Variants in GTF2E2 observed in about 807,000 individuals in gnomAD.
The protein encoded by GTF2E2 is transcription initiation factor IIE subunit beta.
Under a neutral mutation model 40.5 loss-of-function variants are expected in GTF2E2, and 21 were observed. The observed-to-expected ratio is 0.52, with a 90% CI of 0.37 to 0.75. The LOEUF is 0.75. GTF2E2 is among the 30% of genes least tolerant of loss of function. GTF2E2 has a pLI of 0.00. For missense variants in GTF2E2, 298 were observed against 338.4 expected, an observed-to-expected ratio of 0.88 and a Z score of 0.94; for synonymous variants, 117 against 121.6, an observed-to-expected ratio of 0.96 and a Z score of 0.25.
chr8:30,591,694 G>A (rs999777891), intron 6 of GTF2E2, among the ~76,000 whole-genome samples: 4 of 152,122 alleles, frequency 2.6e-5, no homozygotes, highest in Non-Finnish European at 5.9e-5. Flanking sequence ...AATTAATGTA[G>A]CTGCTTTGCA....
intron 3 of GTF2E2, among the ~76,000 whole-genome samples, chr8:30,625,229 T>C (rs766517940): frequency 2.0e-5 from 3 of 152,130 alleles, no homozygotes; most frequent in Non-Finnish European, 4.4e-5. Flanking sequence ...GAAGCGCTGT[T>C]GAATTTTGTC....
chr8:30,623,066 G>C lies in GTF2E2; in HGVS notation c.259-8351C>G, dbSNP rs371964918. On this transcript the variant is annotated intron_variant, in intron 3 of 7. Coordinates refer to ENST00000355904, the MANE Select transcript of GTF2E2 (RefSeq NM_002095.6). ...TCACAAGGGTATTGACTGGGGAAGT[G>C]ATAAGTGCCCATGAAATCTTCACAA... 7.9e-5 allele frequency among the ~76,000 whole-genome samples: 12 copies of C among 152,206 alleles called. No homozygotes were observed. In the East Asian group the frequency reaches 9.6e-4, roughly 12 times the overall value.
At chr8:30,582,340 A>C (rs899950412) in intron 6 of GTF2E2, among the ~76,000 whole-genome samples, 1 of 152,294 alleles carries the variant, frequency 6.6e-6, no homozygotes, top group East Asian at 1.9e-4. Flanking sequence ...TTTTCTTTTT[A>C]CATTTTTTAG....
At chr8:30,654,205 T>C (rs1802383032) in intron 1 of GTF2E2, among the ~76,000 whole-genome samples, 1 of 152,108 alleles carries the variant, frequency 6.6e-6, no homozygotes, top group Admixed American at 6.6e-5. Context: ...ACATGTGAAA[T>C]GTGGCTAGTT....
At chr8:30,606,851 A>C (rs1483767834) in intron 6 of GTF2E2, among the ~76,000 whole-genome samples, 1 of 152,200 alleles carries the variant, frequency 6.6e-6, no homozygotes, top group Non-Finnish European at 1.5e-5. Context: ...AAGTATAATT[A>C]ACCTAAAATC....
intron 3 of GTF2E2, among the ~76,000 whole-genome samples, chr8:30,631,171 C>T (rs2978268): frequency 6.6e-6 from 1 of 151,968 alleles, no homozygotes; most frequent in South Asian, 2.1e-4. Flanking sequence ...CAGGCATGTG[C>T]CAACACACCT....
At chr8:30,655,844 G>A (rs1802433954) in intron 1 of GTF2E2, among the ~76,000 whole-genome samples, 1 of 151,648 alleles carries the variant, frequency 6.6e-6, no homozygotes, top group Admixed American at 6.6e-5. Flanking sequence ...GTCTCGCTCT[G>A]CCGCCCAGGC....
intron 6 of GTF2E2, among the ~76,000 whole-genome samples, chr8:30,588,844 C>A (rs1448092649): frequency 6.6e-6 from 1 of 152,164 alleles, no homozygotes; most frequent in Non-Finnish European, 1.5e-5. Flanking sequence ...AGACTTCTGA[C>A]CTCCAGAACA....
At chr8:30,622,919 T>C (rs1022132191) in intron 3 of GTF2E2, among the ~76,000 whole-genome samples, 1 of 152,082 alleles carries the variant, frequency 6.6e-6, no homozygotes, top group Non-Finnish European at 1.5e-5. Flanking sequence ...GATTTCATAT[T>C]GTTCAAACAC....
intron 2 of GTF2E2, among the ~76,000 whole-genome samples, chr8:30,646,502 C>T (rs1424840230): frequency 6.6e-6 from 1 of 152,122 alleles, no homozygotes; most frequent in East Asian, 1.9e-4. Flanking sequence ...CAAAAGCATG[C>T]TCTTAACCAC....
Position 30,579,015 on chromosome 8 carries a change from T to C in GTF2E2, c.782A>G (p.Lys261Arg), listed in dbSNP as rs1828434457. ...GCGTCGCTTTTTCTGTGAAGCAGGC[T>C]TTTTCCTTCTCTGAATAGGGGCCTA... is the stretch of plus-strand genomic sequence containing the variant. ...KKVAPIQRRKKPASQKKRRFK... is the reference protein window; with the variant it reads ...KKVAPIQRRKRPASQKKRRFK... Residue 261 changes from lysine to arginine, a missense_variant, in exon 8 of 8, where the codon AAG (lysine) becomes AGG (arginine). Lys to Arg is a conservative substitution (Grantham distance 26, BLOSUM62 2). Coordinates refer to ENST00000355904, the MANE Select transcript of GTF2E2 (RefSeq NM_002095.6). 1 of 1,599,190 alleles carries C rather than the reference T, an allele frequency of 6.3e-7. No individual in the cohort carries two copies.
At chr8:30,621,064 T>C (rs1175973689) in intron 3 of GTF2E2, among the ~76,000 whole-genome samples, 1 of 152,022 alleles carries the variant, frequency 6.6e-6, no homozygotes, top group South Asian at 2.1e-4. Flanking sequence ...GGAGAGCCAA[T>C]ACAACCCTTT....
chr8:30,602,522 C>T (rs1400493698), intron 6 of GTF2E2, among the ~76,000 whole-genome samples: 1 of 151,868 alleles, frequency 6.6e-6, no homozygotes, highest in African/African-American at 2.4e-5. Flanking sequence ...TTTGGGAGGC[C>T]AAGGCAAACA....
At position 30,607,169 on chromosome 8, in the gene GTF2E2, A is replaced by G. The variant is rs762681965; in HGVS notation, c.550-19T>C. Reference sequence around the variant, plus strand: ...CCAAAGCCTTAAAGATAGATAAAATAAAGATTTTTCAGTTAACTCCAAATT... The same window carrying G: ...CCAAAGCCTTAAAGATAGATAAAATGAAGATTTTTCAGTTAACTCCAAATT... On this transcript the variant is annotated intron_variant, in intron 5 of 7. Coordinates refer to ENST00000355904, the MANE Select transcript of GTF2E2 (RefSeq NM_002095.6). The G allele has an allele frequency of 4.8e-6, 5 of 1,040,326 alleles. No homozygotes were observed. Among genetic ancestry groups the G allele is most frequent in the Non-Finnish European group, 5.7e-6 (4 of 699,584 alleles). 64.4% of individuals were successfully genotyped at this position (1,040,326 alleles called of 1,614,324 possible). A position where few individuals can be genotyped will look rare whatever the true frequency, so the allele number is the denominator to read the frequency against.
chr8:30,635,132 G>A lies in GTF2E2; in HGVS notation c.167-9C>T. ...TGATCCATTGCTATGATCTGCAAAT[G>A]AAGTTCAAAATAACATCGTCATATT... On this transcript the variant is annotated splice_polypyrimidine_tract_variant and intron_variant, in intron 2 of 7. Transcript: ENST00000355904. 3 of 1,505,494 alleles carry A rather than the reference G, an allele frequency of 2.0e-6. No homozygotes were observed. The highest frequency in any genetic ancestry group is 2.8e-6 in the Non-Finnish European group (3 of 1,084,714). The allele number at this position is 1,505,494 out of a possible 1,614,324, so 93.3% of individuals were successfully genotyped here.
intron 2 of GTF2E2, among the ~76,000 whole-genome samples, chr8:30,648,373 A>C (rs940330731): frequency 5.3e-5 from 8 of 152,240 alleles, no homozygotes; most frequent in African/African-American, 1.9e-4. Context: ...AATGAGAAAA[A>C]TCACAGCTGT....
rs1802506488 is a variant in GTF2E2 at position 30,658,144 on chromosome 8, G to GGCGGCGGCGGCGGCGGCGGCGGCA, written c.-177_-176insTGCCGCCGCCGCCGCCGCCGCCGC. On this transcript the variant is annotated 5_prime_UTR_variant, in exon 1 of 8. Transcript: ENST00000355904. ...AGGTCGGGGTCTCACCACTGGCGGTGGCGGCGGCGGCGGCGGCAGCGGCGG... is the reference window on the plus strand; with the variant it reads ...AGGTCGGGGTCTCACCACTGGCGGTGGCGGCGGCGGCGGCGGCGGCGGCAGCGGCGGCGGCGGCGGCAGCGGCGG... The GGCGGCGGCGGCGGCGGCGGCGGCA allele has an allele frequency of 9.4e-6, 1 of 106,200 alleles. No individual in the cohort carries two copies. Among genetic ancestry groups the GGCGGCGGCGGCGGCGGCGGCGGCA allele is most frequent in the Non-Finnish European group, 2.0e-5 (1 of 49,464 alleles). 6.6% of individuals were successfully genotyped at this position (106,200 alleles called of 1,614,324 possible). A position where few individuals can be genotyped will look rare whatever the true frequency, so the allele number is the denominator to read the frequency against.
At chr8:30,627,482 C>T (rs530421515) in intron 3 of GTF2E2, among the ~76,000 whole-genome samples, 1 of 144,284 alleles carries the variant, frequency 6.9e-6, no homozygotes, top group South Asian at 2.3e-4. Flanking sequence ...CTCAGGACAT[C>T]GCTTTTTTCA....
chr8:30,648,340 T>C (rs992675663), intron 2 of GTF2E2, among the ~76,000 whole-genome samples: 2 of 152,208 alleles, frequency 1.3e-5, no homozygotes, highest in African/African-American at 4.8e-5. Flanking sequence ...AACAATCAGC[T>C]TGAGCTGAAA....
Sources: allele counts gnomAD v4.1 joint callset (sites outside exome capture counted in the v4.1 genomes callset), GRCh38; gene constraint gnomAD v4.1.1; transcripts MANE v1.5; gene names NCBI Gene and HGNC (gene_info 2026-07-23, HGNC 2026-07-21).